TMPRSS11F: variants seen among roughly 807,000 people sequenced by gnomAD.
TMPRSS11F encodes the protein transmembrane protease serine 11F.
A neutral mutation model predicts 60.2 loss-of-function variants in TMPRSS11F; 47 were observed. That is an observed-to-expected ratio of 0.78 (90% CI 0.62 to 1.00). TMPRSS11F has a LOEUF of 1.00. Ranked by LOEUF, TMPRSS11F falls within the 50% of genes least tolerant of loss-of-function variation. The pLI, the probability that TMPRSS11F is intolerant of heterozygous loss-of-function variation, is 0.00. For synonymous variants in TMPRSS11F, 166 were observed against 167.3 expected, an observed-to-expected ratio of 0.99 and a Z score of 0.06; for missense variants, 519 against 522.9, an observed-to-expected ratio of 0.99 and a Z score of 0.07.
intron 3 of TMPRSS11F, among the ~76,000 whole-genome samples, chr4:68,078,026 C>T (rs1338451226): frequency 6.6e-6 from 1 of 152,054 alleles, no homozygotes; most frequent in Non-Finnish European, 1.5e-5. Flanking sequence ...GCTGACCTGC[C>T]CTGCCCTGCC....
chr4:68,069,374 C>T (rs74715460), intron 6 of TMPRSS11F, among the ~76,000 whole-genome samples: 6,198 of 152,150 alleles, frequency 0.041, 376 homozygotes, highest in African/African-American at 0.13. Context: ...TAAACACTAT[C>T]GACCTTTTTG....
At position 68,053,661 on chromosome 4, in the gene TMPRSS11F, C is replaced by T. The variant is rs1722984771; in HGVS notation, c.*248G>A. The T allele has an allele frequency of 5.5e-6, 2 of 361,992 alleles. No individual in the cohort carries two copies. The highest frequency in any genetic ancestry group is 4.2e-5 in the African/African-American group (2 of 48,016). 22.4% of individuals were successfully genotyped at this position (361,992 alleles called of 1,614,324 possible). A position where few individuals can be genotyped will look rare whatever the true frequency, so the allele number is the denominator to read the frequency against. The stretch of plus-strand genomic sequence containing the variant: ...TTATTTATCTTATTAGGAAGTATCA[C>T]AAGCAGTTTCCCTTGTGAGTAAGGA... On this transcript the variant is annotated 3_prime_UTR_variant, in exon 10 of 10. Transcript: ENST00000356291.
intron 5 of TMPRSS11F, among the ~76,000 whole-genome samples, chr4:68,072,077 T>C (rs1416394866): frequency 6.6e-6 from 1 of 150,978 alleles, no homozygotes; most frequent in Non-Finnish European, 1.5e-5. Context: ...TAACATATGA[T>C]ATGGAAAAAA....
chr4:68,071,168 T>C (rs1377811393), intron 5 of TMPRSS11F, among the ~76,000 whole-genome samples: 4 of 152,194 alleles, frequency 2.6e-5, no homozygotes, highest in Admixed American at 1.3e-4. Flanking sequence ...TTTCCACTTA[T>C]AGAATGCTGG....
intron 2 of TMPRSS11F, among the ~76,000 whole-genome samples, chr4:68,096,576 C>T (rs10021188): frequency 0.3 from 46,200 of 151,896 alleles, 7,105 homozygotes; most frequent in East Asian, 0.49. Flanking sequence ...TTCCTGTGAT[C>T]CCTGGCTGAA....
At chr4:68,103,916 T>C (rs1362013593) in intron 1 of TMPRSS11F, among the ~76,000 whole-genome samples, 1 of 152,174 alleles carries the variant, frequency 6.6e-6, no homozygotes, top group African/African-American at 2.4e-5. Flanking sequence ...TTTGATACTA[T>C]TGGAAATAGA....
intron 9 of TMPRSS11F, among the ~76,000 whole-genome samples, chr4:68,055,038 T>TGGG (rs1723014699): frequency 6.6e-6 from 1 of 151,882 alleles, no homozygotes; most frequent in African/African-American, 2.4e-5. Context: ...ACAAGGGAAG[T>TGGG]GGGGGTTAGG....
chr4:68,126,184 T>G (rs1283310437), intron 1 of TMPRSS11F, among the ~76,000 whole-genome samples: 1 of 152,182 alleles, frequency 6.6e-6, no homozygotes, highest in Non-Finnish European at 1.5e-5. Context: ...TATGTGTGTA[T>G]TTGTTTATAT....
At chr4:68,059,234 T>A in intron 9 of TMPRSS11F, 92 bp downstream of exon 9, 1 of 1,260,518 alleles carries the variant, frequency 7.9e-7, no homozygotes, top group Non-Finnish European at 1.1e-6. Context: ...AGAGATGCCA[T>A]TTTTTTTTCT....
intron 6 of TMPRSS11F, among the ~76,000 whole-genome samples, chr4:68,069,418 A>G (rs1261422664): frequency 6.6e-6 from 1 of 152,194 alleles, no homozygotes; most frequent in Non-Finnish European, 1.5e-5. Flanking sequence ...GTTTAAAAAA[A>G]AATTCTTCTT....
At chr4:68,112,186 C>T (rs538243076) in intron 1 of TMPRSS11F, among the ~76,000 whole-genome samples, 13 of 152,242 alleles carry the variant, frequency 8.5e-5, no homozygotes, top group South Asian at 2.1e-4. Flanking sequence ...TTTTCATTGA[C>T]GTTTCAAGTT....
chr4:68,086,791 T>C (rs1245556948), intron 3 of TMPRSS11F, among the ~76,000 whole-genome samples: 1 of 152,038 alleles, frequency 6.6e-6, no homozygotes, highest in Non-Finnish European at 1.5e-5. Flanking sequence ...GATAAATTAT[T>C]GGTAACATAT....
At chr4:68,101,448 A>G (rs1724187390) in intron 1 of TMPRSS11F, among the ~76,000 whole-genome samples, 2 of 136,182 alleles carry the variant, frequency 1.5e-5, no homozygotes, top group African/African-American at 5.6e-5. Context: ...TAAGCATAAT[A>G]AATAAAACAA....
At chr4:68,126,849 A>G (rs1195203066) in intron 1 of TMPRSS11F, among the ~76,000 whole-genome samples, 1 of 152,238 alleles carries the variant, frequency 6.6e-6, no homozygotes, top group African/African-American at 2.4e-5. Context: ...GGTAGGAGAA[A>G]AATTTCACAG....
chr4:68,064,181 T>G (rs561169276), intron 8 of TMPRSS11F, among the ~76,000 whole-genome samples: 1 of 150,256 alleles, frequency 6.7e-6, no homozygotes, highest in South Asian at 2.1e-4. Flanking sequence ...CTTTCTTTTC[T>G]TTTTTTTCTT....
At chr4:68,063,271 TGAG>T in intron 8 of TMPRSS11F, 1 of 566,470 alleles carries the variant, frequency 1.8e-6, no homozygotes, top group Non-Finnish European at 3.5e-6. Context: ...ATCGCCATGA[TGAG>T]CTCACCATGG....
At chr4:68,072,689 A>G (rs771645085) in intron 4 of TMPRSS11F, among the ~76,000 whole-genome samples, 8 of 152,126 alleles carry the variant, frequency 5.3e-5, no homozygotes, top group Non-Finnish European at 7.4e-5. Flanking sequence ...AATAAAGACA[A>G]CATTCTGGAA....
At chr4:68,056,901 A>C (rs1440718672) in intron 9 of TMPRSS11F, among the ~76,000 whole-genome samples, 1 of 152,222 alleles carries the variant, frequency 6.6e-6, no homozygotes, top group East Asian at 1.9e-4. Context: ...TGGTCAATTG[A>C]TTTGTTGACA....
chr4:68,080,352 GATA>G (rs1197187519), intron 3 of TMPRSS11F: 5 of 152,196 alleles, frequency 3.3e-5, no homozygotes, highest in African/African-American at 1.2e-4. Flanking sequence ...TTACTTAAAT[GATA>G]ATGAGTTGTG....
Sources: allele counts gnomAD v4.1 joint callset (sites outside exome capture counted in the v4.1 genomes callset), GRCh38; gene constraint gnomAD v4.1.1; transcripts MANE v1.5; gene names NCBI Gene and HGNC (gene_info 2026-07-23, HGNC 2026-07-21).